The following PITPNC1 variants were observed in gnomAD, a reference collection of about 807,000 sequenced individuals.
PITPNC1 encodes phosphatidylinositol transfer protein cytoplasmic 1.
Under a neutral mutation model 44.7 loss-of-function variants are expected in PITPNC1, and 18 were observed. The observed-to-expected ratio is 0.40, with a 90% CI of 0.28 to 0.60. The LOEUF (loss-of-function observed/expected upper bound fraction) is 0.60, where lower values mean the gene tolerates loss of function less well. Among genes scored for constraint, PITPNC1 ranks in the 20% least tolerant of loss-of-function variants. The probability of loss-of-function intolerance (pLI) is 0.39; values close to 1 mark genes in which losing one functional copy is unlikely to be tolerated. For missense variants in PITPNC1, 290 were observed against 418.4 expected (o/e 0.69, Z 2.68); for synonymous variants, 141 against 149.6 (o/e 0.94, Z 0.42).
In PITPNC1 at chr17:67,388,871, C is replaced by T. The variant is rs146099634; in HGVS notation, c.48+10669C>T. On this transcript the variant is annotated intron_variant, in intron 1 of 8. Transcript: ENST00000581322. ...CTGACCTCCGGTGATCCACCCGCCTCGGCCTCCCAAAGTGAGCCACCGCGC... is the reference window on the plus strand; with the variant it reads ...CTGACCTCCGGTGATCCACCCGCCTTGGCCTCCCAAAGTGAGCCACCGCGC... Among the ~76,000 whole-genome samples, 7 of 152,296 alleles carry T rather than the reference C, an allele frequency of 4.6e-5. No homozygotes were observed. The East Asian group carries it at 1.2e-3, about 25-fold the overall frequency.
chr17:67,463,684 G>A (rs189976887), intron 1 of PITPNC1, among the ~76,000 whole-genome samples: 5 of 152,186 alleles, frequency 3.3e-5, no homozygotes, highest in African/African-American at 7.2e-5. Context: ...CAGATAGCTT[G>A]AGCTCAGGAG....
rs917016959 is a variant in PITPNC1, at chr17:67,695,898, A to G, written c.*3010A>G. 1 of 152,166 alleles carries G rather than the reference A, an allele frequency of 6.6e-6. No individual in the cohort carries two copies. Among genetic ancestry groups the G allele is most frequent in the Non-Finnish European group, 1.5e-5 (1 of 68,026 alleles). The allele number at this position is 152,166 out of a possible 1,614,324, so 9.4% of individuals were successfully genotyped here. A position where few individuals can be genotyped will look rare whatever the true frequency, so the allele number is the denominator to read the frequency against. On this transcript the variant is annotated 3_prime_UTR_variant, in exon 9 of 9. Coordinates refer to ENST00000581322, the MANE Select transcript of PITPNC1 (RefSeq NM_012417.4). ...GAGAAGATCTTGGTGTATTTAACAC[A>G]TAAGCTTTGTTAGAAATCACCTCTG... is the stretch of plus-strand genomic sequence containing the variant.
intron 5 of PITPNC1, among the ~76,000 whole-genome samples, chr17:67,593,519 C>T (rs2041420503): frequency 6.6e-6 from 1 of 152,076 alleles, no homozygotes; most frequent in Non-Finnish European, 1.5e-5. Flanking sequence ...CTGCCTCAGC[C>T]TCCCAAGTAG....
intron 1 of PITPNC1, among the ~76,000 whole-genome samples, chr17:67,396,554 G>C (rs1045755575): frequency 7.9e-5 from 12 of 151,878 alleles, no homozygotes; most frequent in Middle Eastern, 3.4e-3. Context: ...TATTTTAGTA[G>C]GGACGGGGTT....
chr17:67,658,640 A>G (rs998379353), intron 6 of PITPNC1, among the ~76,000 whole-genome samples: 1 of 152,092 alleles, frequency 6.6e-6, no homozygotes, highest in Non-Finnish European at 1.5e-5. Flanking sequence ...AGCAGAAAAA[A>G]TCCTGCATCA....
chr17:67,593,095 T>C (rs1333148673), intron 5 of PITPNC1, among the ~76,000 whole-genome samples: 1 of 152,008 alleles, frequency 6.6e-6, no homozygotes, highest in Non-Finnish European at 1.5e-5. Flanking sequence ...AAAAATAAAT[T>C]CCAAAAGTGT....
intron 1 of PITPNC1, among the ~76,000 whole-genome samples, chr17:67,502,956 C>G (rs1598749781): frequency 1.3e-5 from 2 of 152,018 alleles, no homozygotes; most frequent in Non-Finnish European, 1.5e-5. Flanking sequence ...ACCACTACGC[C>G]CAGCTAATTT....
intron 6 of PITPNC1, among the ~76,000 whole-genome samples, chr17:67,641,060 G>A (rs1179855519): frequency 9.2e-5 from 14 of 152,084 alleles, no homozygotes; most frequent in Non-Finnish European, 1.6e-4. Flanking sequence ...GTGACAGTAC[G>A]GAGCAAGGCA....
rs147296653 is a variant in PITPNC1, at chr17:67,691,035, G to A, written c.683-1537G>A. 2.9e-4 allele frequency among the ~76,000 whole-genome samples: 44 copies of A among 152,192 alleles called. No homozygotes were observed. In the East Asian group the frequency reaches 8.1e-3, roughly 28 times the overall value. On this transcript the variant is annotated intron_variant, in intron 8 of 8. Transcript: ENST00000581322. The stretch of plus-strand genomic sequence containing the variant: ...GGAGAATTACTTGAACCCAGGAGGT[G>A]GAGGTTGCAGTGAGCCAAGATCACG...
chr17:67,380,267 G>A (rs2143773709), intron 1 of PITPNC1, among the ~76,000 whole-genome samples: 1 of 152,054 alleles, frequency 6.6e-6, no homozygotes, highest in Non-Finnish European at 1.5e-5. Flanking sequence ...TAGAGACGGG[G>A]TTTCACCATG....
rs1297426670 is a variant in PITPNC1, at chr17:67,692,553, T to G, written c.683-19T>G. ...TTATAAATAACTGCTCGTTTTTCTT[T>G]CTGTTTTTCTCCTTGAAGACATGAC... On this transcript the variant is annotated intron_variant, in intron 8 of 8. Transcript: ENST00000581322. The G allele has an allele frequency of 3.2e-6, 5 of 1,580,734 alleles. No homozygotes were observed. Among genetic ancestry groups the G allele is most frequent in the Non-Finnish European group, 4.3e-6 (5 of 1,152,472 alleles).
chr17:67,527,792 G>A (rs2040409705), intron 1 of PITPNC1, among the ~76,000 whole-genome samples: 1 of 152,086 alleles, frequency 6.6e-6, no homozygotes, highest in Non-Finnish European at 1.5e-5. Context: ...ATTGCTTAAG[G>A]CCAGGAGTTG....
chr17:67,418,155 A>G (rs2038614114), intron 1 of PITPNC1, among the ~76,000 whole-genome samples: 2 of 152,226 alleles, frequency 1.3e-5, no homozygotes, highest in South Asian at 4.1e-4. Flanking sequence ...TCCCAGGCAC[A>G]TGACTTTATT....
At chr17:67,552,083 C>T (rs1382088807) in intron 2 of PITPNC1, among the ~76,000 whole-genome samples, 174 bp from the exon 3 acceptor site, 1 of 152,170 alleles carries the variant, frequency 6.6e-6, no homozygotes, top group Non-Finnish European at 1.5e-5. Context: ...CTTGAATATG[C>T]ACGGGAAAAA....
chr17:67,398,164 C>T (rs2038250684), intron 1 of PITPNC1, among the ~76,000 whole-genome samples: 1 of 151,670 alleles, frequency 6.6e-6, no homozygotes, highest in African/African-American at 2.4e-5. Context: ...CAAGTATTGG[C>T]GCAAAAGTAA....
intron 5 of PITPNC1, among the ~76,000 whole-genome samples, chr17:67,608,493 T>C (rs1162367311): frequency 6.2e-5 from 4 of 64,372 alleles, no homozygotes; most frequent in East Asian, 1.3e-3. Flanking sequence ...TTTCTCAGCT[T>C]TTTTTTTTTT....
intron 4 of PITPNC1, among the ~76,000 whole-genome samples, chr17:67,570,981 C>A (rs2041047936): frequency 6.6e-6 from 1 of 152,168 alleles, no homozygotes; most frequent in Non-Finnish European, 1.5e-5. Context: ...AGCACCAATT[C>A]CCCCTTCCCT....
chr17:67,395,335 G>A (rs1464150075), intron 1 of PITPNC1, among the ~76,000 whole-genome samples: 1 of 151,984 alleles, frequency 6.6e-6, no homozygotes, highest in Non-Finnish European at 1.5e-5. Context: ...AGATGGGCGG[G>A]GAGGTGTCTT....
intron 4 of PITPNC1, among the ~76,000 whole-genome samples, chr17:67,555,359 A>G (rs557524095): frequency 6.6e-6 from 1 of 152,326 alleles, no homozygotes; most frequent in South Asian, 2.1e-4. Flanking sequence ...TAAACAAATT[A>G]GCATGGTCAT....
Sources: gnomAD v4.1 joint callset for allele counts (sites outside exome capture counted in the v4.1 genomes callset) on GRCh38, gnomAD v4.1.1 for gene constraint, MANE v1.5 for transcripts, NCBI Gene and HGNC (gene_info 2026-07-23, HGNC 2026-07-21) for gene names.